Variants in TMEM233 observed in about 807,000 individuals in gnomAD.
TMEM233 encodes transmembrane protein 233.
A neutral mutation model predicts 11.2 loss-of-function variants in TMEM233; 6 were observed. That is an observed-to-expected ratio of 0.54 (90% confidence interval 0.29 to 1.06). The LOEUF is 1.06. TMEM233 is among the 50% of genes least tolerant of loss of function. The pLI is 0.08. For missense variants in TMEM233, 127 were observed against 144.7 expected, an observed-to-expected ratio of 0.88 and a Z score of 0.63; for synonymous variants, 59 against 55.8, an observed-to-expected ratio of 1.06 and a Z score of -0.26.
rs1413495606 is a variant in TMEM233 at position 119,596,000 on chromosome 12, A to C, written c.186+1966A>C. On this transcript the variant is annotated intron_variant, in intron 1 of 2. Transcript: ENST00000426426. This position sits in a 1 kb window ranked among gnomAD's most constrained non-coding sequence, Gnocchi z 4.3. ...TTAATAAGTATCATGAAATGAATGC[A>C]TGCATGAATGAATGGTGTGGATGAA... 6.6e-6 allele frequency among the ~76,000 whole-genome samples: 1 copy of C among 152,236 alleles called. No homozygotes were observed. The highest frequency in any genetic ancestry group is 1.5e-5 in the Non-Finnish European group (1 of 68,044).
intron 1 of TMEM233, among the ~76,000 whole-genome samples, chr12:119,617,605 G>C (rs139348394): frequency 6.6e-6 from 1 of 152,086 alleles, no homozygotes; most frequent in Non-Finnish European, 1.5e-5. Context: ...AGGCCAAGGT[G>C]GGCAGATTAC....
chr12:119,607,471 C>T (rs1954303665), intron 1 of TMEM233, among the ~76,000 whole-genome samples: 1 of 152,048 alleles, frequency 6.6e-6, no homozygotes. Context: ...TTCAAATATT[C>T]CTATCAAAAG....
chr12:119,640,699 T>G lies in TMEM233; in HGVS notation c.324T>G (p.Asn108Lys). ...GISCAVHFTR[N>K]A The stretch of plus-strand genomic sequence containing the variant: ...CTCTCTCTCTGTCTGTACCACACAG[T>G]GCCTGAGGAACCAGCGGTCAGTGGG... The change falls in exon 3 of 3, where the codon AAT becomes AAG. Residue 108 changes from asparagine (N) to lysine (K), a missense_variant and splice_region_variant. Asn to Lys is a moderately conservative substitution (Grantham distance 94, BLOSUM62 0). Coordinates refer to ENST00000426426, the MANE Select transcript of TMEM233 (RefSeq NM_001136534.3). 1 of 1,550,564 alleles carries G rather than the reference T, an allele frequency of 6.4e-7. No individual in the cohort carries two copies. Among genetic ancestry groups the G allele is most frequent in the Non-Finnish European group, 8.7e-7 (1 of 1,146,928 alleles).
chr12:119,619,427 G>C (rs1033330136), intron 1 of TMEM233, among the ~76,000 whole-genome samples: 3 of 152,128 alleles, frequency 2.0e-5, no homozygotes, highest in African/African-American at 7.2e-5. Flanking sequence ...GATAATTTGA[G>C]CTCTGAAGTT....
At chr12:119,640,249 G>C (rs1730702997) in intron 2 of TMEM233, among the ~76,000 whole-genome samples, 1 of 152,160 alleles carries the variant, frequency 6.6e-6, no homozygotes, top group African/African-American at 2.4e-5. Context: ...CCGCCTCCCG[G>C]GTTCACGCCA....
chr12:119,649,854 T>TAAAAAAAAA, the TMEM233 span, among the ~76,000 whole-genome samples: 31 of 91,314 alleles, frequency 3.4e-4, 1 homozygote, highest in African/African-American at 1.1e-3. Flanking sequence ...GTTTAACTAT[T>TAAAAAAAAA]AAAAAAAAAA....
Position 119,593,920 on chromosome 12 carries a change from T to C in TMEM233, c.72T>C (p.Asp24=). ...LDSSPEANTE[D]DKTEEDVPMP... ...GCAGTCCCGAGGCCAACACTGAAGA[T>C]GACAAGACCGAGGAGGACGTGCCCA... The change falls in exon 1 of 3, where the codon GAT becomes GAC. Residue 24 remains aspartate (D), a synonymous_variant. Coordinates refer to ENST00000426426, the MANE Select transcript of TMEM233 (RefSeq NM_001136534.3). This position sits in a 1 kb window ranked among gnomAD's most constrained non-coding sequence, Gnocchi z 4.1. 6.4e-7 allele frequency: 1 copy of C among 1,551,738 alleles called. No homozygotes were observed. The highest frequency in any genetic ancestry group is 8.7e-7 in the Non-Finnish European group (1 of 1,146,984).
At chr12:119,604,222 T>A (rs1389441812) in intron 1 of TMEM233, among the ~76,000 whole-genome samples, 1 of 152,190 alleles carries the variant, frequency 6.6e-6, no homozygotes, top group Non-Finnish European at 1.5e-5. Context: ...AGAAAACTAG[T>A]TGTGTGTGGT....
chr12:119,598,144 G>A (rs1372761894), intron 1 of TMEM233, among the ~76,000 whole-genome samples: 1 of 152,182 alleles, frequency 6.6e-6, no homozygotes, highest in African/African-American at 2.4e-5. Flanking sequence ...TTATGTGCCA[G>A]GCTCTATTCC....
At position 119,629,876 on chromosome 12, in the gene TMEM233, A is replaced by C; in HGVS notation, c.323+4A>C. On this transcript the variant is annotated splice_donor_region_variant and intron_variant, in intron 2 of 2. Transcript: ENST00000426426. ...GTGCAGTTCACTTCACAAGGAAGTA[A>C]GTAGGCTTTTTGAATCCCTCCCCAT... The C allele has an allele frequency of 6.5e-7, 1 of 1,549,460 alleles. No individual in the cohort carries two copies. Among genetic ancestry groups the C allele is most frequent in the African/African-American group, 1.4e-5 (1 of 73,064 alleles).
Position 119,595,904 on chromosome 12 carries a change from A to G in TMEM233, c.186+1870A>G, listed in dbSNP as rs1173610431. 6.6e-6 allele frequency among the ~76,000 whole-genome samples: 1 copy of G among 152,230 alleles called. No individual in the cohort carries two copies. Among genetic ancestry groups the G allele is most frequent in the Non-Finnish European group, 1.5e-5 (1 of 68,034 alleles). On this transcript the variant is annotated intron_variant, in intron 1 of 2. Coordinates refer to ENST00000426426, the MANE Select transcript of TMEM233 (RefSeq NM_001136534.3). The surrounding 1 kb of genome is among the most constrained non-coding windows in gnomAD (Gnocchi z 4.3). Reference sequence around the variant, plus strand: ...TCCCTCTCATTAGAATATAAGCTCCATAAGGGCAGGAATATTTGTTGGTTC... The same window carrying G: ...TCCCTCTCATTAGAATATAAGCTCCGTAAGGGCAGGAATATTTGTTGGTTC...
intron 2 of TMEM233, among the ~76,000 whole-genome samples, chr12:119,637,182 A>G (rs1230617919): frequency 6.6e-6 from 1 of 152,246 alleles, no homozygotes; most frequent in South Asian, 2.1e-4. Context: ...TTGATCTGCC[A>G]CATGTTAAAT....
chr12:119,638,730 C>T (rs964472671), intron 2 of TMEM233, among the ~76,000 whole-genome samples: 8 of 152,092 alleles, frequency 5.3e-5, no homozygotes, highest in African/African-American at 1.9e-4. Flanking sequence ...TGGGACGCCA[C>T]ACTGCAGTTT....
At chr12:119,601,335 G>A (rs1954159055) in intron 1 of TMEM233, among the ~76,000 whole-genome samples, 2 of 152,150 alleles carry the variant, frequency 1.3e-5, no homozygotes, top group African/African-American at 4.8e-5. Flanking sequence ...AATGGCTTCA[G>A]AATTCTGATC....
chr12:119,607,897 G>A (rs1254128090), intron 1 of TMEM233, among the ~76,000 whole-genome samples: 3 of 152,170 alleles, frequency 2.0e-5, no homozygotes, highest in Non-Finnish European at 2.9e-5. Flanking sequence ...GTAATTAGAT[G>A]CATTCTTATC....
At chr12:119,653,171 A>T in the TMEM233 span, among the ~76,000 whole-genome samples, 8 of 152,090 alleles carry the variant, frequency 5.3e-5, no homozygotes, top group Non-Finnish European at 8.8e-5. Flanking sequence ...AGGTGGATGG[A>T]TCACGAGGTC....
At chr12:119,647,165 G>C (rs1310731737), downstream of TMEM233, among the ~76,000 whole-genome samples, 2 of 151,992 alleles carry the variant, frequency 1.3e-5, no homozygotes, top group Non-Finnish European at 2.9e-5. Context: ...GAAAGTGCTG[G>C]GATTGTAGGT....
chr12:119,616,848 C>G (rs1489114832), intron 1 of TMEM233, among the ~76,000 whole-genome samples: 1 of 152,152 alleles, frequency 6.6e-6, no homozygotes, highest in Non-Finnish European at 1.5e-5. Flanking sequence ...GGGGCTTCCC[C>G]CTTCGCTCAG....
At position 119,594,431 on chromosome 12, in the gene TMEM233, G is replaced by A. The variant is rs1207612261; in HGVS notation, c.186+397G>A. The A allele has an allele frequency of 1.0e-5, 2 of 190,658 alleles. No individual in the cohort carries two copies. The highest frequency in any genetic ancestry group is 4.7e-5 in the African/African-American group (2 of 42,498). The allele number at this position is 190,658 out of a possible 1,614,324, so 11.8% of individuals were successfully genotyped here. A position where few individuals can be genotyped will look rare whatever the true frequency, so the allele number is the denominator to read the frequency against. On this transcript the variant is annotated intron_variant, in intron 1 of 2. Coordinates refer to ENST00000426426, the MANE Select transcript of TMEM233 (RefSeq NM_001136534.3). The surrounding 1 kb of genome is among the most constrained non-coding windows in gnomAD (Gnocchi z 5.6). ...GCCCCAGTGCGCGCCACCCTAGCGA[G>A]CGCAGTAAGCTCATACCCCGAGCAT...
Sources: gnomAD v4.1 joint callset for allele counts (sites outside exome capture counted in the v4.1 genomes callset) on GRCh38, gnomAD v4.1.1 for gene constraint, Gnocchi (gnomAD v3.1) non-coding constraint, MANE v1.5 for transcripts, NCBI Gene and HGNC (gene_info 2026-07-23, HGNC 2026-07-21) for gene names.